SLC5A10: variants seen among roughly 807,000 people sequenced by gnomAD.
The protein encoded by SLC5A10 is solute carrier family 5 member 10, also known as sodium/mannose cotransporter SLC5A10.
Under a neutral mutation model 68.9 loss-of-function variants are expected in SLC5A10, and 55 were observed. The ratio of observed to expected loss-of-function variants is 0.80; its 90% CI spans 0.64 to 1.00. SLC5A10 has a LOEUF of 1.00. SLC5A10 is among the 50% of genes least tolerant of loss of function. The pLI is 0.00. For synonymous variants in SLC5A10, 344 were observed against 344.8 expected, an observed-to-expected ratio of 1.00 and a Z score of 0.02; for missense variants, 732 against 819.3, an observed-to-expected ratio of 0.89 and a Z score of 1.30.
chr17:19,008,656 C>T (rs113707394), intron 9 of SLC5A10, among the ~76,000 whole-genome samples: 3,117 of 151,894 alleles, frequency 0.021, 87 homozygotes, highest in African/African-American at 0.065. Context: ...CCTGCCACCA[C>T]GCCCTGCTAA....
intron 5 of SLC5A10, among the ~76,000 whole-genome samples, chr17:18,965,036 C>A (rs895272665): frequency 6.6e-6 from 1 of 150,848 alleles, no homozygotes; most frequent in African/African-American, 2.4e-5. Flanking sequence ...CCCAGCTACT[C>A]GGAAGGCTGA....
intron 7 of SLC5A10, 74 bp from the exon 8 acceptor site, chr17:18,970,939 A>C (rs968795229): frequency 7.0e-6 from 10 of 1,432,200 alleles, no homozygotes; most frequent in Non-Finnish European, 9.8e-6. Context: ...TTGTGAGATG[A>C]AGGCAGGGGG....
Position 19,015,197 on chromosome 17 carries a change from A to ACGGTTCGGGGGTGGGGGC in SLC5A10, c.1241+2_1241+3insTCGGGGGTGGGGGCCGGT. On this transcript the variant is annotated inframe_insertion and splice_region_variant, in exon 11 of 15. Coordinates refer to ENST00000395645, the MANE Select transcript of SLC5A10 (RefSeq NM_001042450.4). ...GCGAGCGGGAGCTCCTGCTGGTGGG[A>ACGGTTCGGGGGTGGGGGC]CGGTACGGGGGTGGGGGCCAGTACG... 2.2e-6 allele frequency: 2 copies of ACGGTTCGGGGGTGGGGGC among 907,520 alleles called. No individual in the cohort carries two copies. Among genetic ancestry groups the ACGGTTCGGGGGTGGGGGC allele is most frequent in the Non-Finnish European group, 3.4e-6 (2 of 594,040 alleles). The allele number at this position is 907,520 out of a possible 1,614,324, so 56.2% of individuals were successfully genotyped here. A position where few individuals can be genotyped will look rare whatever the true frequency, so the allele number is the denominator to read the frequency against.
intron 9 of SLC5A10, among the ~76,000 whole-genome samples, chr17:19,011,243 A>C (rs1468188479): frequency 6.6e-6 from 1 of 152,188 alleles, no homozygotes; most frequent in Non-Finnish European, 1.5e-5. Flanking sequence ...GAGTCAGGGA[A>C]GGCCTCAGAG....
At chr17:19,005,921 C>G (rs976865228) in intron 9 of SLC5A10, among the ~76,000 whole-genome samples, 2 of 152,232 alleles carry the variant, frequency 1.3e-5, no homozygotes, top group African/African-American at 4.8e-5. Context: ...CGGGGGAGCC[C>G]TGCCTTGAGG....
chr17:19,000,194 C>T lies in SLC5A10; in HGVS notation c.983-13216C>T, dbSNP rs148934693. On this transcript the variant is annotated intron_variant, in intron 9 of 14. Transcript: ENST00000395645. The surrounding 1 kb of genome is among the most constrained non-coding windows in gnomAD (Gnocchi z 5.2). ...AGGGGAGGGGCAGGCAGTTGACCTTCCATCTTGGAGTAGGAGCCCACTAGG... is the reference window on the plus strand; with the variant it reads ...AGGGGAGGGGCAGGCAGTTGACCTTTCATCTTGGAGTAGGAGCCCACTAGG... Among the ~76,000 whole-genome samples, 9 of 152,296 alleles carry T rather than the reference C, an allele frequency of 5.9e-5. No homozygotes were observed. The East Asian group carries it at 1.7e-3, about 29-fold the overall frequency.
rs529373096 is a variant in SLC5A10 at position 18,957,911 on chromosome 17, C to T, written c.112-771C>T. Among the ~76,000 whole-genome samples, 129 of 152,370 alleles carry T rather than the reference C, an allele frequency of 8.5e-4. 2 individuals carry two copies. In the South Asian group the frequency reaches 0.013, roughly 15 times the overall value. ...CTTCCTGCCTCCCAGCCCCTGGCAA[C>T]AACTCATCTGCTTTCTGTCTCTATA... On this transcript the variant is annotated intron_variant, in intron 1 of 14. Transcript: ENST00000395645.
chr17:18,959,744 G>T, intron 4 of SLC5A10, 81 bp downstream of exon 4: 1 of 1,312,688 alleles, frequency 7.6e-7, no homozygotes. Context: ...GACCACCGTG[G>T]CCTCACATCA....
At position 18,969,370 on chromosome 17, in the gene SLC5A10, C is replaced by T. The variant is rs200235814; in HGVS notation, c.588C>T (p.Asp196=). 5.8e-5 allele frequency: 94 copies of T among 1,613,594 alleles called. No homozygotes were observed. Among genetic ancestry groups the T allele is most frequent in the South Asian group, 1.1e-4 (10 of 91,086 alleles). Residue 196 remains aspartate (D), a synonymous_variant, in exon 7 of 15, where the codon GAC becomes GAT. Coordinates refer to ENST00000395645, the MANE Select transcript of SLC5A10 (RefSeq NM_001042450.4). The part of the protein sequence containing the change: ...AGGLAAVIYT[D]ALQTLIMVVG... ...GCCTGGCTGCTGTAATCTACACGGA[C>T]GCCCTGCAGACGCTCATCATGGTGG...
chr17:19,016,881 G>A (rs1266729432), intron 11 of SLC5A10, among the ~76,000 whole-genome samples: 1 of 152,142 alleles, frequency 6.6e-6, no homozygotes, highest in Non-Finnish European at 1.5e-5. Flanking sequence ...AGCATCCTGG[G>A]CCCTGGGAAC....
intron 9 of SLC5A10, among the ~76,000 whole-genome samples, chr17:19,002,969 C>T (rs1264368527): frequency 6.6e-6 from 1 of 152,118 alleles, no homozygotes; most frequent in African/African-American, 2.4e-5. Flanking sequence ...TCCACCATTG[C>T]AAAGCTCACA....
intron 6 of SLC5A10, 56 bp from the exon 7 acceptor site, chr17:18,969,286 G>C (rs570509089): frequency 3.8e-6 from 6 of 1,591,700 alleles, no homozygotes; most frequent in Non-Finnish European, 5.2e-6. Context: ...GTTCCTCCCC[G>C]TGTCCCTCCT....
At chr17:18,986,593 C>T (rs1390038097) in intron 9 of SLC5A10, among the ~76,000 whole-genome samples, 1 of 152,252 alleles carries the variant, frequency 6.6e-6, no homozygotes, top group Non-Finnish European at 1.5e-5. Flanking sequence ...CCTCCGGCTT[C>T]CTGGAAACTC....
chr17:18,963,062 C>CA (rs902824410), intron 5 of SLC5A10, among the ~76,000 whole-genome samples: 82 of 152,222 alleles, frequency 5.4e-4, no homozygotes, highest in African/African-American at 1.8e-3. Context: ...TACTAAAATA[C>CA]AAAAAAATTA....
chr17:19,013,538 G>T (rs2044065258), intron 10 of SLC5A10, 21 bp downstream of exon 10: 3 of 1,439,338 alleles, frequency 2.1e-6, no homozygotes, highest in Non-Finnish European at 1.8e-6. Context: ...GTGGGTGGGG[G>T]TCTGGGTGGA....
chr17:19,005,523 G>C (rs1352457919), intron 9 of SLC5A10, among the ~76,000 whole-genome samples: 1 of 152,144 alleles, frequency 6.6e-6, no homozygotes, highest in Non-Finnish European at 1.5e-5. Context: ...CAGTCTGCCC[G>C]GCACCAGGCC....
At chr17:18,953,741 A>C (rs558529340) in intron 1 of SLC5A10, 1 of 152,804 alleles carries the variant, frequency 6.5e-6, no homozygotes, top group Non-Finnish European at 1.5e-5. Context: ...GAAACCCAAA[A>C]TCTGGAACAT....
Position 18,965,179 on chromosome 17 carries a change from C to T in SLC5A10, c.454-3873C>T, listed in dbSNP as rs149461758. Among the ~76,000 whole-genome samples the T allele has an allele frequency of 8.0e-3, 1,210 of 151,284 alleles. 17 individuals are homozygous for T. Among genetic ancestry groups the T allele is most frequent in the African/African-American group, 0.028 (1,146 of 41,276 alleles). On this transcript the variant is annotated intron_variant, in intron 5 of 14. Transcript: ENST00000395645. ...ACCAGTGAGGGGCTTGCAAGGGGATCGGGCCCAGGGTGGGGGCAGCAGAGG... is the reference window on the plus strand; with the variant it reads ...ACCAGTGAGGGGCTTGCAAGGGGATTGGGCCCAGGGTGGGGGCAGCAGAGG...
chr17:18,966,107 G>A (rs2042703926), intron 5 of SLC5A10, among the ~76,000 whole-genome samples: 1 of 152,204 alleles, frequency 6.6e-6, no homozygotes, highest in Admixed American at 6.5e-5. Flanking sequence ...GCACTGGCAG[G>A]GTTTCTGGGT....
Sources: gnomAD v4.1 joint callset for allele counts (sites outside exome capture counted in the v4.1 genomes callset) on GRCh38, gnomAD v4.1.1 for gene constraint, Gnocchi (gnomAD v3.1) non-coding constraint, MANE v1.5 for transcripts, NCBI Gene and HGNC (gene_info 2026-07-23, HGNC 2026-07-21) for gene names.